Variants in MAP2 observed in about 807,000 individuals in gnomAD.
The protein encoded by MAP2 is microtubule associated protein 2, also known as microtubule-associated protein 2.
Under a neutral mutation model 137.6 loss-of-function variants are expected in MAP2, and 14 were observed. The observed-to-expected ratio is 0.10, with a 90% confidence interval of 0.07 to 0.16. The LOEUF is 0.16. MAP2 is among the 10% of genes least tolerant of loss of function. MAP2 has a pLI of 1.00. For missense variants in MAP2, 2,088 were observed against 2,191.5 expected, an observed-to-expected ratio of 0.95 and a Z score of 0.94; for synonymous variants, 786 against 782.3, an observed-to-expected ratio of 1.00 and a Z score of -0.08.
intron 1 of MAP2, among the ~76,000 whole-genome samples, chr2:209,464,051 G>C (rs552205069): frequency 6.6e-6 from 1 of 152,218 alleles, no homozygotes; most frequent in South Asian, 2.1e-4. Context: ...ATGACTAATG[G>C]ATGACTGGGG....
chr2:209,566,235 T>C (rs113764690), intron 2 of MAP2, among the ~76,000 whole-genome samples: 2,999 of 152,302 alleles, frequency 0.02, 95 homozygotes, highest in African/African-American at 0.068. Flanking sequence ...TAATATATCC[T>C]CTGTCACGGA....
At chr2:209,626,225 C>T (rs958094375) in intron 4 of MAP2, among the ~76,000 whole-genome samples, 4 of 151,974 alleles carry the variant, frequency 2.6e-5, no homozygotes, top group Non-Finnish European at 5.9e-5. Flanking sequence ...ATCAGCCTGG[C>T]CAACATAGTG....
intron 1 of MAP2, among the ~76,000 whole-genome samples, chr2:209,459,687 C>T (rs1008587343): frequency 6.6e-6 from 1 of 152,218 alleles, no homozygotes; most frequent in African/African-American, 2.4e-5. Flanking sequence ...CCTTAGAGAA[C>T]AATCACATCA....
intron 2 of MAP2, among the ~76,000 whole-genome samples, chr2:209,508,199 A>G (rs1264706037): frequency 6.6e-6 from 1 of 152,024 alleles, no homozygotes; most frequent in Non-Finnish European, 1.5e-5. Context: ...GAGTAGTAAC[A>G]GAACCTCAGA....
intron 4 of MAP2, among the ~76,000 whole-genome samples, chr2:209,645,557 G>A (rs1000462100): frequency 9.2e-5 from 14 of 152,036 alleles, no homozygotes; most frequent in Non-Finnish European, 1.5e-4. Flanking sequence ...ACATTTTTAT[G>A]AGACATTTTG....
At position 209,583,147 on chromosome 2, in the gene MAP2, G is replaced by GTCTATCTATCTATCTATCTA. The variant is rs3036663; in HGVS notation, c.-107+3067_-107+3086dup. ...TATCTATCTATCCATCTGTCTGTCT[G>GTCTATCTATCTATCTATCTA]TCTATCTATCTATCTATCTATCTAT... On this transcript the variant is annotated intron_variant, in intron 3 of 15. Transcript: ENST00000682079. Among the ~76,000 whole-genome samples, 904 of 147,244 alleles carry GTCTATCTATCTATCTATCTA rather than the reference G, an allele frequency of 6.1e-3. 3 individuals carry two copies. Among genetic ancestry groups the GTCTATCTATCTATCTATCTA allele is most frequent in the Admixed American group, 9.8e-3 (144 of 14,696 alleles).
At chr2:209,644,037 A>C (rs554698989) in intron 4 of MAP2, among the ~76,000 whole-genome samples, 2 of 152,286 alleles carry the variant, frequency 1.3e-5, no homozygotes, top group African/African-American at 4.8e-5. Context: ...TTCAAATGTC[A>C]ATGTATCAGA....
chr2:209,716,522 T>C (rs2067691361), intron 13 of MAP2, among the ~76,000 whole-genome samples: 1 of 152,214 alleles, frequency 6.6e-6, no homozygotes, highest in Non-Finnish European at 1.5e-5. Context: ...AAAAACATTT[T>C]GAGATTTTTT....
intron 4 of MAP2, among the ~76,000 whole-genome samples, chr2:209,635,873 C>T (rs947487723): frequency 6.6e-6 from 1 of 152,014 alleles, no homozygotes; most frequent in African/African-American, 2.4e-5. Flanking sequence ...GGGAAGAAAA[C>T]TGGCCTTTCC....
At chr2:209,585,564 A>G (rs1011718842) in intron 3 of MAP2, among the ~76,000 whole-genome samples, 14 of 152,166 alleles carry the variant, frequency 9.2e-5, no homozygotes, top group Non-Finnish European at 1.8e-4. Context: ...AATCAAAATC[A>G]TAAGGATATA....
In MAP2 at chr2:209,496,552, C is replaced by T. The variant is rs184846793; in HGVS notation, c.-221-11040C>T. Among the ~76,000 whole-genome samples, 626 of 152,230 alleles carry T rather than the reference C, an allele frequency of 4.1e-3. 3 individuals carry two copies. The highest frequency in any genetic ancestry group is 0.014 in the African/African-American group (581 of 41,538). ...TGAGTTTTTATTCCTTTGCATATCACGTAAAATCATACCCTCCATGAATAG... is the reference window on the plus strand; with the variant it reads ...TGAGTTTTTATTCCTTTGCATATCATGTAAAATCATACCCTCCATGAATAG... On this transcript the variant is annotated intron_variant, in intron 1 of 15. Coordinates refer to ENST00000682079, the MANE Select transcript of MAP2 (RefSeq NM_001375505.1).
chr2:209,677,153 C>T (rs2052201842), intron 5 of MAP2, among the ~76,000 whole-genome samples: 3 of 151,784 alleles, frequency 2.0e-5, no homozygotes, highest in African/African-American at 7.3e-5. Flanking sequence ...CACTGAGTAG[C>T]ATAGCAGATA....
intron 2 of MAP2, among the ~76,000 whole-genome samples, chr2:209,566,639 A>G (rs2073469649): frequency 6.6e-6 from 1 of 152,220 alleles, no homozygotes; most frequent in African/African-American, 2.4e-5. Context: ...CAAGTGATGT[A>G]CAAATAGTGC....
At chr2:209,600,717 C>T (rs1031578675) in intron 3 of MAP2, among the ~76,000 whole-genome samples, 7 of 152,186 alleles carry the variant, frequency 4.6e-5, no homozygotes, top group African/African-American at 1.7e-4. Flanking sequence ...GTAGGGCTGA[C>T]AGAGCCAGGA....
At chr2:209,565,658 T>A (rs1335041761) in intron 2 of MAP2, among the ~76,000 whole-genome samples, 1 of 152,218 alleles carries the variant, frequency 6.6e-6, no homozygotes, top group Non-Finnish European at 1.5e-5. Context: ...ACATTTGTCA[T>A]ACAATTTTGT....
At chr2:209,546,897 A>G (rs2068185444) in intron 2 of MAP2, among the ~76,000 whole-genome samples, 1 of 152,238 alleles carries the variant, frequency 6.6e-6, no homozygotes. Context: ...ATATGAAATT[A>G]CAGATTTTAA....
intron 2 of MAP2, among the ~76,000 whole-genome samples, chr2:209,552,316 A>T (rs2069365009): frequency 6.6e-6 from 1 of 152,318 alleles, no homozygotes; most frequent in South Asian, 2.1e-4. Flanking sequence ...GAACTTTTAC[A>T]TGTAACGACT....
Position 209,693,623 on chromosome 2 carries a change from A to G in MAP2, c.1453A>G (p.Lys485Glu), listed in dbSNP as rs749867327. Residue 485 changes from lysine to glutamate, a missense_variant, in exon 8 of 16, where the codon AAA (lysine) becomes GAA (glutamate). Transcript: ENST00000682079. ...TSTEHTFSEQ[K>E]DQEPTTDMLK... is the part of the protein sequence containing the mutation. ...CACAGAGCACACTTTCTCAGAACAG[A>G]AAGACCAAGAGCCTACCACAGATAT... 1 of 1,613,976 alleles carries G rather than the reference A, an allele frequency of 6.2e-7. No individual in the cohort carries two copies. The highest frequency in any genetic ancestry group is 8.5e-7 in the Non-Finnish European group (1 of 1,180,008).
At chr2:209,601,715 G>A (rs2083054818) in intron 3 of MAP2, among the ~76,000 whole-genome samples, 1 of 152,084 alleles carries the variant, frequency 6.6e-6, no homozygotes, top group African/African-American at 2.4e-5. Flanking sequence ...CTACAAATCA[G>A]TTCTTGGGAG....
Sources: allele counts gnomAD v4.1 joint callset (sites outside exome capture counted in the v4.1 genomes callset), GRCh38; gene constraint gnomAD v4.1.1; transcripts MANE v1.5; gene names NCBI Gene and HGNC (gene_info 2026-07-23, HGNC 2026-07-21).